RFX4: variants seen among roughly 807,000 people sequenced by gnomAD.
The protein encoded by RFX4 is transcription factor RFX4.
RFX4 carries 10 observed loss-of-function variants against 95.0 expected under a neutral mutation model. That is an observed-to-expected ratio of 0.11 (90% CI 0.06 to 0.18). RFX4 has a LOEUF of 0.18. Ranked by LOEUF, RFX4 falls within the 10% of genes least tolerant of loss-of-function variation. The pLI is 1.00. For missense variants in RFX4, 640 were observed against 922.0 expected (o/e 0.69, Z 3.96); for synonymous variants, 321 against 340.7 (o/e 0.94, Z 0.64).
chr12:106,684,360 T>C (rs529554335), intron 5 of RFX4, among the ~76,000 whole-genome samples: 34 of 152,236 alleles, frequency 2.2e-4, no homozygotes, highest in African/African-American at 7.0e-4. Context: ...GAGCGAGACC[T>C]GTCTCAAAAA....
intron 1 of RFX4, among the ~76,000 whole-genome samples, chr12:106,599,203 A>G (rs1022483111): frequency 1.4e-4 from 18 of 125,530 alleles, no homozygotes; most frequent in Admixed American, 1.3e-3. Context: ...TTTTTCTTGT[A>G]CATTGCAGGC....
intron 15 of RFX4, among the ~76,000 whole-genome samples, chr12:106,738,723 A>G (rs7975576): frequency 0.36 from 55,466 of 152,044 alleles, 10,173 homozygotes; most frequent in South Asian, 0.4. Context: ...CCATTGCTAA[A>G]TTAGACTGGA....
At chr12:106,717,313 C>A (rs185332634) in intron 11 of RFX4, among the ~76,000 whole-genome samples, 17 of 152,316 alleles carry the variant, frequency 1.1e-4, no homozygotes, top group Admixed American at 8.5e-4. Flanking sequence ...AGACTCAGTT[C>A]TCTTCCCGCC....
chr12:106,639,335 A>G lies in RFX4; in HGVS notation c.134A>G (p.Glu45Gly), dbSNP rs779587443. The G allele has an allele frequency of 6.2e-7, 1 of 1,613,150 alleles. No homozygotes were observed. Among genetic ancestry groups the G allele is most frequent in the Non-Finnish European group, 8.5e-7 (1 of 1,179,586 alleles). Residue 45 changes from glutamate to glycine, a missense_variant, in exon 3 of 18, where the codon GAG becomes GGG. This residue lies in a region of RFX4 where 63 missense variants were observed against 68.8 expected (regional missense o/e 0.92). Transcript: ENST00000392842. ...SLGNVSNDEN[E>G]EKENNRASKP... ...TTCTTTTTCTTTCCTTTAACAGATG[A>G]GGAAAAAGAAAATAATAGAGCATCC...
intron 15 of RFX4, among the ~76,000 whole-genome samples, chr12:106,743,439 T>C (rs2042840248): frequency 6.6e-6 from 1 of 152,206 alleles, no homozygotes; most frequent in African/African-American, 2.4e-5. Flanking sequence ...CCAGTAGGTG[T>C]TAATCTGCTT....
At chr12:106,745,020 A>T (rs1316722901) in intron 15 of RFX4, among the ~76,000 whole-genome samples, 1 of 152,160 alleles carries the variant, frequency 6.6e-6, no homozygotes, top group Non-Finnish European at 1.5e-5. Context: ...GCTCCTAACT[A>T]TTCAGGCTTC....
chr12:106,651,808 C>T (rs1050262228), intron 3 of RFX4, among the ~76,000 whole-genome samples: 1 of 152,138 alleles, frequency 6.6e-6, no homozygotes, highest in Non-Finnish European at 1.5e-5. Context: ...CAGATCTCAG[C>T]TTTTTCAAAA....
chr12:106,643,130 C>T (rs2040666578), intron 3 of RFX4, among the ~76,000 whole-genome samples: 1 of 152,158 alleles, frequency 6.6e-6, no homozygotes, highest in African/African-American at 2.4e-5. Flanking sequence ...ATACAGGCTG[C>T]CCCCAGGGTG....
intron 2 of RFX4, among the ~76,000 whole-genome samples, chr12:106,636,655 G>T (rs1047344498): frequency 2.0e-5 from 3 of 152,184 alleles, no homozygotes; most frequent in Non-Finnish European, 4.4e-5. Context: ...TTTACATTCC[G>T]TTCCTGAGAA....
chr12:106,688,070 T>C (rs1016911529), intron 6 of RFX4, among the ~76,000 whole-genome samples: 17 of 144,982 alleles, frequency 1.2e-4, no homozygotes, highest in South Asian at 2.3e-4. Flanking sequence ...ATTTCTTTTT[T>C]TTTTTTTTTT....
At chr12:106,719,275 C>T (rs1293641192) in intron 11 of RFX4, among the ~76,000 whole-genome samples, 1 of 152,192 alleles carries the variant, frequency 6.6e-6, no homozygotes, top group Non-Finnish European at 1.5e-5. Flanking sequence ...ATCTATTAAG[C>T]ACCTACTACA....
intron 7 of RFX4, among the ~76,000 whole-genome samples, chr12:106,693,894 T>C (rs1444122901): frequency 6.6e-6 from 1 of 152,200 alleles, no homozygotes; most frequent in Non-Finnish European, 1.5e-5. Flanking sequence ...TAACCTTTAT[T>C]AAACATCTAT....
intron 8 of RFX4, among the ~76,000 whole-genome samples, chr12:106,704,470 A>G (rs1194472256): frequency 2.0e-5 from 3 of 152,072 alleles, no homozygotes; most frequent in African/African-American, 4.8e-5. Flanking sequence ...CATCCCTCAA[A>G]CTTTTTTGAG....
intron 10 of RFX4, among the ~76,000 whole-genome samples, chr12:106,714,623 G>A (rs900537945): frequency 3.3e-5 from 5 of 151,578 alleles, no homozygotes; most frequent in African/African-American, 1.2e-4. Flanking sequence ...ATTTTTCTTA[G>A]CTTTTCTCAG....
At chr12:106,753,918 A>AGCCC (rs2043060909) in intron 17 of RFX4, among the ~76,000 whole-genome samples, 3 of 152,164 alleles carry the variant, frequency 2.0e-5, no homozygotes, top group Non-Finnish European at 4.4e-5. Flanking sequence ...GGCCCCCACA[A>AGCCC]AATGAACCAA....
chr12:106,712,358 T>C (rs903932884), intron 10 of RFX4, among the ~76,000 whole-genome samples: 11 of 152,204 alleles, frequency 7.2e-5, no homozygotes, highest in African/African-American at 2.7e-4. Context: ...TGTCAGCTGC[T>C]GGGCCAAGCT....
At chr12:106,590,633 T>C (rs1020743152) in intron 1 of RFX4, among the ~76,000 whole-genome samples, 1 of 152,190 alleles carries the variant, frequency 6.6e-6, no homozygotes, top group African/African-American at 2.4e-5. Context: ...GCAAATGTTT[T>C]AAAAACACTG....
At chr12:106,645,659 C>A (rs2040729994) in intron 3 of RFX4, among the ~76,000 whole-genome samples, 1 of 152,182 alleles carries the variant, frequency 6.6e-6, no homozygotes, top group Non-Finnish European at 1.5e-5. Flanking sequence ...TTGGGTTTGG[C>A]ACTGTTCCAA....
intron 4 of RFX4, among the ~76,000 whole-genome samples, chr12:106,666,679 G>A (rs139636785): frequency 6.6e-6 from 1 of 152,274 alleles, no homozygotes; most frequent in East Asian, 1.9e-4. Flanking sequence ...CTTCAGCTGT[G>A]TCTAGTCACC....
Sources: allele counts gnomAD v4.1 joint callset (sites outside exome capture counted in the v4.1 genomes callset), GRCh38; gene constraint gnomAD v4.1.1; regional missense constraint gnomAD v4.1.1; transcripts MANE v1.5; gene names NCBI Gene and HGNC (gene_info 2026-07-23, HGNC 2026-07-21).